TMIGD3: variants seen among roughly 807,000 people sequenced by gnomAD.
TMIGD3 encodes the protein transmembrane and immunoglobulin domain containing 3, also known as AD026 protein (AD026).
TMIGD3 carries 21 observed loss-of-function variants against 28.1 expected under a neutral mutation model. The ratio of observed to expected loss-of-function variants is 0.75; its 90% CI spans 0.53 to 1.08. The LOEUF (loss-of-function observed/expected upper bound fraction) is 1.08, where lower values mean the gene tolerates loss of function less well. TMIGD3 is among the 50% of genes least tolerant of loss of function. The pLI, the probability that TMIGD3 is intolerant of heterozygous loss-of-function variation, is 0.00. For synonymous variants in TMIGD3, 151 were observed against 162.1 expected, an observed-to-expected ratio of 0.93 and a Z score of 0.52; for missense variants, 416 against 435.6, an observed-to-expected ratio of 0.96 and a Z score of 0.40.
chr1:111,486,529 G>A (rs1571396643), intron 4 of TMIGD3, 57 bp downstream of exon 4: 2 of 1,264,700 alleles, frequency 1.6e-6, no homozygotes, highest in East Asian at 2.3e-5. Context: ...TGCCACCCCA[G>A]CCCCTACCTC....
chr1:111,508,345 G>C (rs1195908323), upstream of TMIGD3, among the ~76,000 whole-genome samples: 2 of 152,230 alleles, frequency 1.3e-5, no homozygotes, highest in Admixed American at 6.5e-5. Context: ...GTCTGAAAGA[G>C]TGACTCCTGC....
chr1:111,510,282 T>C (rs1655647159), intron 1 of TMIGD3, among the ~76,000 whole-genome samples: 1 of 152,204 alleles, frequency 6.6e-6, no homozygotes. Flanking sequence ...TTTAGTTCCC[T>C]GCTGAAATGT....
intron 1 of TMIGD3, among the ~76,000 whole-genome samples, chr1:111,543,642 AAGGAGGAATAGGAGGAGGAAGAAGAG>A (rs1656928626): frequency 1.7e-4 from 2 of 11,482 alleles, no homozygotes; most frequent in Admixed American, 1.8e-3. Context: ...GGAGGAAGAG[AAGGAGGAATAGGAGGAGGAAGAAGAG>A]GAGGAAAAAG....
chr1:111,506,913 T>TAATA (rs10653520), upstream of TMIGD3, among the ~76,000 whole-genome samples: 1 of 121,908 alleles, frequency 8.2e-6, no homozygotes. Flanking sequence ...TATATATATA[T>TAATA]TATATATATA....
At chr1:111,532,248 C>T (rs551640560) in intron 1 of TMIGD3, among the ~76,000 whole-genome samples, 1 of 148,476 alleles carries the variant, frequency 6.7e-6, no homozygotes, top group South Asian at 2.1e-4. Flanking sequence ...GTTCGGTACT[C>T]TGTTCTGCAA....
intron 1 of TMIGD3, among the ~76,000 whole-genome samples, chr1:111,522,770 C>A (rs1444276161): frequency 2.0e-5 from 3 of 152,146 alleles, no homozygotes; most frequent in African/African-American, 7.2e-5. Context: ...CCCGCCTCGG[C>A]CTCTCAAAGT....
At chr1:111,486,720 G>A (rs1654393935) in intron 3 of TMIGD3, 68 bp from the exon 4 acceptor site, 2 of 1,301,664 alleles carry the variant, frequency 1.5e-6, no homozygotes, top group East Asian at 2.3e-5. Context: ...CCTCCCAGCT[G>A]CAGCTCTGCC....
chr1:111,491,968 G>A lies in TMIGD3; in HGVS notation c.351-1206C>T, dbSNP rs529338248. On this transcript the variant is annotated intron_variant, in intron 1 of 5. Coordinates refer to ENST00000369716, the MANE Select transcript of TMIGD3 (RefSeq NM_020683.7). ...TCCCACACTGAATCAGGACTGGCCT[G>A]TGTGATCAATAAAATATGGCAGAAG... Among the ~76,000 whole-genome samples the A allele has an allele frequency of 3.3e-5, 5 of 152,312 alleles. No homozygotes were observed. In the East Asian group the frequency reaches 9.6e-4, roughly 29 times the overall value.
At chr1:111,516,526 G>A (rs12138958) in intron 1 of TMIGD3, among the ~76,000 whole-genome samples, 1 of 152,058 alleles carries the variant, frequency 6.6e-6, no homozygotes, top group East Asian at 1.9e-4. Context: ...ACTTGAGAGA[G>A]CATTTCTGCC....
chr1:111,524,498 CAT>C (rs1490091659), intron 1 of TMIGD3, among the ~76,000 whole-genome samples: 3 of 152,168 alleles, frequency 2.0e-5, no homozygotes, highest in African/African-American at 7.2e-5. Context: ...CACTTGGTAA[CAT>C]AGATAATTAG....
chr1:111,489,499 T>C, intron 2 of TMIGD3: 2 of 900,192 alleles, frequency 2.2e-6, no homozygotes, highest in South Asian at 8.9e-5. Context: ...AAATTTCCAT[T>C]GTTTTAGCCT....
chr1:111,538,331 C>T (rs536937048), intron 1 of TMIGD3, among the ~76,000 whole-genome samples: 2 of 152,320 alleles, frequency 1.3e-5, no homozygotes, highest in East Asian at 3.9e-4. Flanking sequence ...GGAAGTTTTT[C>T]ACTCACTCCC....
chr1:111,523,285 G>A (rs1656142830), intron 1 of TMIGD3, among the ~76,000 whole-genome samples: 1 of 152,134 alleles, frequency 6.6e-6, no homozygotes, highest in Non-Finnish European at 1.5e-5. Context: ...TTATAAATTG[G>A]ATTTTGCATA....
chr1:111,549,576 G>T (rs917513126), intron 1 of TMIGD3, among the ~76,000 whole-genome samples: 2 of 151,494 alleles, frequency 1.3e-5, no homozygotes, highest in Admixed American at 1.3e-4. Context: ...CTTGAACTGA[G>T]GAGGCGGAGG....
intron 1 of TMIGD3, among the ~76,000 whole-genome samples, chr1:111,547,837 T>A: frequency 6.6e-6 from 1 of 152,166 alleles, no homozygotes; most frequent in East Asian, 1.9e-4. Context: ...TTCCTGGTAT[T>A]TTTCTGCTAA....
intron 1 of TMIGD3, among the ~76,000 whole-genome samples, chr1:111,518,852 G>A (rs1200437887): frequency 2.0e-5 from 3 of 152,234 alleles, no homozygotes; most frequent in Admixed American, 2.0e-4. Context: ...CAATCTAGAT[G>A]TAAGATTTTT....
chr1:111,485,726 C>CAA lies in TMIGD3; in HGVS notation c.973+12_973+13dup. The stretch of plus-strand genomic sequence containing the variant: ...AATTCTTGCCCACCCCCTCCCTCAA[C>CAA]AATAGCTACTTACCCCTTCTATTCC... On this transcript the variant is annotated intron_variant, in intron 5 of 5. Coordinates refer to ENST00000369716, the MANE Select transcript of TMIGD3 (RefSeq NM_020683.7). The CAA allele has an allele frequency of 1.2e-6, 1 of 850,624 alleles. No homozygotes were observed. Among genetic ancestry groups the CAA allele is most frequent in the Non-Finnish European group, 1.9e-6 (1 of 522,876 alleles). The allele number at this position is 850,624 out of a possible 1,614,324, so 52.7% of individuals were successfully genotyped here. A position where few individuals can be genotyped will look rare whatever the true frequency, so the allele number is the denominator to read the frequency against.
chr1:111,544,276 T>TGC (rs561231997), intron 1 of TMIGD3, among the ~76,000 whole-genome samples: 215 of 152,296 alleles, frequency 1.4e-3, no homozygotes, highest in Non-Finnish European at 2.4e-3. Flanking sequence ...AACTTTAAGG[T>TGC]GCACAACTCA....
At chr1:111,518,899 C>T (rs1655955997) in intron 1 of TMIGD3, among the ~76,000 whole-genome samples, 1 of 152,122 alleles carries the variant, frequency 6.6e-6, no homozygotes, top group Non-Finnish European at 1.5e-5. Context: ...CATCCTTCCC[C>T]AACTAGGAAT....
Sources: allele counts gnomAD v4.1 joint callset (sites outside exome capture counted in the v4.1 genomes callset), GRCh38; gene constraint gnomAD v4.1.1; transcripts MANE v1.5; gene names NCBI Gene and HGNC (gene_info 2026-07-23, HGNC 2026-07-21).